The following KBTBD12 variants were observed in gnomAD, a reference collection of about 807,000 sequenced individuals.
The protein encoded by KBTBD12 is kelch repeat and BTB domain containing 12, also known as kelch repeat and BTB domain-containing protein 12.
KBTBD12 carries 53 observed loss-of-function variants against 58.7 expected under a neutral mutation model. The observed-to-expected ratio is 0.90, with a 90% CI of 0.72 to 1.14. KBTBD12 has a LOEUF of 1.14. KBTBD12 is among the 50% of genes most tolerant of loss of function. KBTBD12 has a pLI of 0.00. For synonymous variants in KBTBD12, 236 were observed against 259.8 expected (o/e 0.91, Z 0.88); for missense variants, 704 against 751.3 (o/e 0.94, Z 0.74).
At chr3:127,920,379 G>A (rs1363800523) in intron 1 of KBTBD12, among the ~76,000 whole-genome samples, 1 of 150,458 alleles carries the variant, frequency 6.6e-6, no homozygotes, top group Non-Finnish European at 1.5e-5. Flanking sequence ...GACGCATGTA[G>A]ATCTAGTTCA....
At chr3:127,916,390 G>A (rs991325547) in intron 1 of KBTBD12, among the ~76,000 whole-genome samples, 1 of 152,162 alleles carries the variant, frequency 6.6e-6, no homozygotes, top group Non-Finnish European at 1.5e-5. Context: ...AAACAAAATA[G>A]GGTGTGGAGA....
chr3:127,954,991 A>G (rs1361323624), intron 4 of KBTBD12, among the ~76,000 whole-genome samples: 1 of 152,200 alleles, frequency 6.6e-6, no homozygotes, highest in Non-Finnish European at 1.5e-5. Context: ...AGACTGTCTA[A>G]GGCACAAGAC....
intron 5 of KBTBD12, among the ~76,000 whole-genome samples, chr3:127,979,006 C>A (rs1392826163): frequency 2.0e-5 from 3 of 152,140 alleles, no homozygotes; most frequent in African/African-American, 4.8e-5. Context: ...AAACTGTCTA[C>A]CAAAGCCTTT....
intron 5 of KBTBD12, among the ~76,000 whole-genome samples, chr3:127,969,083 A>G (rs1940638117): frequency 2.0e-5 from 3 of 152,186 alleles, no homozygotes; most frequent in Non-Finnish European, 4.4e-5. Flanking sequence ...TGGAGGTTCT[A>G]ATCAGTAAAA....
At chr3:127,961,198 CCTCTT>C (rs1446577232) in intron 4 of KBTBD12, among the ~76,000 whole-genome samples, 1 of 152,172 alleles carries the variant, frequency 6.6e-6, no homozygotes, top group East Asian at 1.9e-4. Context: ...GTTAAATCCT[CCTCTT>C]TAAGTCCTTC....
intron 5 of KBTBD12, among the ~76,000 whole-genome samples, chr3:127,965,965 G>A (rs1012761497): frequency 4.6e-5 from 7 of 152,172 alleles, no homozygotes; most frequent in African/African-American, 1.4e-4. Flanking sequence ...GGTAACTGTG[G>A]ACATTGAAAT....
Position 127,984,306 on chromosome 3 carries a change from G to T in KBTBD12, c.*28G>T. The T allele has an allele frequency of 1.3e-6, 2 of 1,598,956 alleles. No homozygotes were observed. Among genetic ancestry groups the T allele is most frequent in the Admixed American group, 1.7e-5 (1 of 58,836 alleles). On this transcript the variant is annotated 3_prime_UTR_variant, in exon 6 of 6. Transcript: ENST00000405109. ...TGACCTTGCTGGAGGACCTCCTGCT[G>T]TTCTGCAAACAAGGCCTTCAGAACG...
intron 1 of KBTBD12, among the ~76,000 whole-genome samples, chr3:127,921,278 C>T (rs1576368959): frequency 6.6e-6 from 1 of 152,022 alleles, no homozygotes; most frequent in Non-Finnish European, 1.5e-5. Context: ...AACCAGGTCT[C>T]GGTCACCCAA....
At chr3:127,940,008 G>T (rs1042939912) in intron 4 of KBTBD12, among the ~76,000 whole-genome samples, 50 of 152,068 alleles carry the variant, frequency 3.3e-4, no homozygotes, top group Non-Finnish European at 2.6e-4. Context: ...ATTACCAGAG[G>T]CATGGAAGGA....
chr3:127,947,234 T>C (rs1437038486), intron 4 of KBTBD12, among the ~76,000 whole-genome samples: 1 of 152,216 alleles, frequency 6.6e-6, no homozygotes, highest in African/African-American at 2.4e-5. Context: ...CCTGAGAGGA[T>C]TCTGCCTTTC....
chr3:127,972,261 A>G (rs1381813107), intron 5 of KBTBD12, among the ~76,000 whole-genome samples: 1 of 152,220 alleles, frequency 6.6e-6, no homozygotes, highest in East Asian at 1.9e-4. Context: ...TTTGGGATTC[A>G]AAGTTAGATA....
chr3:127,937,383 A>T (rs1939853767), intron 4 of KBTBD12, among the ~76,000 whole-genome samples: 1 of 152,210 alleles, frequency 6.6e-6, no homozygotes, highest in Admixed American at 6.5e-5. Flanking sequence ...ATGTAAAAAT[A>T]TATAACAATA....
chr3:127,975,319 A>G (rs1028819708), intron 5 of KBTBD12, among the ~76,000 whole-genome samples: 4 of 152,194 alleles, frequency 2.6e-5, no homozygotes, highest in African/African-American at 9.7e-5. Context: ...TCCTCAGGCA[A>G]AGAGTAGCAG....
chr3:127,951,109 T>C (rs892634713), intron 4 of KBTBD12, among the ~76,000 whole-genome samples: 6 of 152,172 alleles, frequency 3.9e-5, no homozygotes, highest in Non-Finnish European at 7.4e-5. Context: ...AAAGAGTAGG[T>C]TGAGTTACTT....
At position 127,984,903 on chromosome 3, in the gene KBTBD12, ACACTGAC is replaced by A. The variant is rs1451841256; in HGVS notation, c.*628_*634del. The stretch of plus-strand genomic sequence containing the variant: ...CTCTGTTCCAGCTTCAGTCTTATAA[ACACTGAC>A]CATTCTCCTTCAGAATCCCCTTCTA... On this transcript the variant is annotated 3_prime_UTR_variant, in exon 6 of 6. Transcript: ENST00000405109. 6.6e-6 allele frequency: 1 copy of A among 152,314 alleles called. No homozygotes were observed. The highest frequency in any genetic ancestry group is 1.5e-5 in the Non-Finnish European group (1 of 68,126). The allele number at this position is 152,314 out of a possible 1,614,324, so 9.4% of individuals were successfully genotyped here.
chr3:127,984,500 T>C lies in KBTBD12; in HGVS notation c.*222T>C. On this transcript the variant is annotated 3_prime_UTR_variant, in exon 6 of 6. Coordinates refer to ENST00000405109, the MANE Select transcript of KBTBD12 (RefSeq NM_207335.4). ...ATAAGACACTACAAAGAAGAGGTGA[T>C]GACGGCCACAGGAGGGGCACAGGGC... is the stretch of plus-strand genomic sequence containing the variant. The C allele has an allele frequency of 2.3e-6, 1 of 443,386 alleles. No homozygotes were observed. The highest frequency in any genetic ancestry group is 4.1e-6 in the Non-Finnish European group (1 of 245,268). The allele number at this position is 443,386 out of a possible 1,614,324, so 27.5% of individuals were successfully genotyped here.
chr3:127,974,958 G>A (rs1940755185), intron 5 of KBTBD12, among the ~76,000 whole-genome samples: 1 of 152,228 alleles, frequency 6.6e-6, no homozygotes, highest in Non-Finnish European at 1.5e-5. Flanking sequence ...GGGTGACAGA[G>A]CGAGACTCCG....
chr3:127,969,203 T>C (rs1386533770), intron 5 of KBTBD12, among the ~76,000 whole-genome samples: 1 of 152,150 alleles, frequency 6.6e-6, no homozygotes, highest in African/African-American at 2.4e-5. Flanking sequence ...AAAAAGCTAC[T>C]AGAGCTAATA....
At chr3:127,965,385 T>C (rs1940542809) in intron 5 of KBTBD12, among the ~76,000 whole-genome samples, 1 of 152,188 alleles carries the variant, frequency 6.6e-6, no homozygotes, top group African/African-American at 2.4e-5. Context: ...GTTTCTAAGA[T>C]GGTAGATTGT....
Sources: allele counts gnomAD v4.1 joint callset (sites outside exome capture counted in the v4.1 genomes callset), GRCh38; gene constraint gnomAD v4.1.1; transcripts MANE v1.5; gene names NCBI Gene and HGNC (gene_info 2026-07-23, HGNC 2026-07-21).